The following RBMS1 variants were observed in gnomAD, a reference collection of about 807,000 sequenced individuals.
RBMS1 encodes the protein RNA binding motif single stranded interacting protein 1, also known as RNA-binding motif, single-stranded-interacting protein 1.
RBMS1 carries 17 observed loss-of-function variants against 62.3 expected under a neutral mutation model. The ratio of observed to expected loss-of-function variants is 0.27; its 90% confidence interval spans 0.19 to 0.41. The LOEUF (loss-of-function observed/expected upper bound fraction) is 0.41. Ranked by LOEUF, RBMS1 falls within the 10% of genes least tolerant of loss-of-function variation. The probability of loss-of-function intolerance (pLI) is 1.00; values close to 1 mark genes in which losing one functional copy is unlikely to be tolerated. For missense variants in RBMS1, 334 were observed against 504.5 expected (o/e 0.66, Z 3.24); for synonymous variants, 172 against 170.0 (o/e 1.01, Z -0.09).
intron 2 of RBMS1, among the ~76,000 whole-genome samples, chr2:160,351,811 C>T (rs919455698): frequency 3.9e-5 from 6 of 152,004 alleles, no homozygotes; most frequent in Admixed American, 6.6e-5. Context: ...ATAACGATTG[C>T]TATACAAACT....
In RBMS1 at chr2:160,468,871, T is replaced by C. The variant is rs922828607; in HGVS notation, c.75+24418A>G. On this transcript the variant is annotated intron_variant, in intron 1 of 13. Transcript: ENST00000348849. ...CTAAATCATGGCTCACAGAAAATAT[T>C]ATTTGTTAGCATTAGTTTTGCCTTT... 3.9e-5 allele frequency among the ~76,000 whole-genome samples: 6 copies of C among 152,200 alleles called. No homozygotes were observed. The East Asian group carries it at 1.2e-3, about 29-fold the overall frequency.
chr2:160,419,727 A>C (rs1226028822), intron 1 of RBMS1, among the ~76,000 whole-genome samples: 2 of 152,230 alleles, frequency 1.3e-5, no homozygotes, highest in South Asian at 2.1e-4. Flanking sequence ...AAGTGACTAC[A>C]TAGCCGGTTA....
At chr2:160,359,915 T>A (rs1025256892) in intron 2 of RBMS1, among the ~76,000 whole-genome samples, 3 of 152,206 alleles carry the variant, frequency 2.0e-5, no homozygotes, top group Non-Finnish European at 4.4e-5. Context: ...CTTCTCCTGT[T>A]AGTTGCCCTA....
intron 1 of RBMS1, among the ~76,000 whole-genome samples, chr2:160,462,806 A>G (rs1212300431): frequency 6.6e-6 from 1 of 152,106 alleles, no homozygotes; most frequent in Non-Finnish European, 1.5e-5. Flanking sequence ...CATGTTGGCC[A>G]GCTGGTCTCG....
intron 9 of RBMS1, chr2:160,282,194 T>C: frequency 7.6e-7 from 1 of 1,319,210 alleles, no homozygotes; most frequent in Non-Finnish European, 1.0e-6. Context: ...TATTGTTAAC[T>C]TCAGAGGTTC....
intron 1 of RBMS1, among the ~76,000 whole-genome samples, chr2:160,370,655 G>A (rs568603694): frequency 1.3e-5 from 2 of 152,342 alleles, no homozygotes; most frequent in African/African-American, 4.8e-5. Context: ...AGGTCTGCTA[G>A]AAAACAAAGC....
At chr2:160,341,214 C>T (rs1469014499) in intron 2 of RBMS1, among the ~76,000 whole-genome samples, 1 of 152,214 alleles carries the variant, frequency 6.6e-6, no homozygotes, top group East Asian at 1.9e-4. Flanking sequence ...TCCTCCAAAG[C>T]AAGATCTGCA....
rs1237474236 is a variant in RBMS1 at position 160,370,862 on chromosome 2, G to GT, written c.76-3472dup. 4.3e-5 allele frequency among the ~76,000 whole-genome samples: 6 copies of GT among 139,298 alleles called. No homozygotes were observed. In the South Asian group the frequency reaches 8.8e-4, roughly 20 times the overall value. The allele number at this position is 139,298 out of a possible 152,430, so 91.4% of individuals were successfully genotyped here. On this transcript the variant is annotated intron_variant, in intron 1 of 13. Coordinates refer to ENST00000348849, the MANE Select transcript of RBMS1 (RefSeq NM_016836.4). The stretch of plus-strand genomic sequence containing the variant: ...TAAGAAAGTAAAAGGTGCCTTTAAT[G>GT]TTTTTTAAGAAAGTAAAAGGTGCCT...
At chr2:160,299,442 C>T (rs1689101233) in intron 6 of RBMS1, among the ~76,000 whole-genome samples, 1 of 152,156 alleles carries the variant, frequency 6.6e-6, no homozygotes, top group Non-Finnish European at 1.5e-5. Context: ...CGTTTCCCCC[C>T]ATTTCGTCAC....
At chr2:160,431,789 C>A (rs1418974825) in intron 1 of RBMS1, among the ~76,000 whole-genome samples, 2 of 152,170 alleles carry the variant, frequency 1.3e-5, no homozygotes, top group African/African-American at 4.8e-5. Flanking sequence ...TTAACTCCAA[C>A]TTATTCTTCA....
intron 3 of RBMS1, among the ~76,000 whole-genome samples, chr2:160,315,891 T>C (rs1219067792): frequency 6.6e-6 from 1 of 152,192 alleles, no homozygotes; most frequent in Non-Finnish European, 1.5e-5. Context: ...ATTCTAATGT[T>C]TCCTTCAGCT....
intron 1 of RBMS1, among the ~76,000 whole-genome samples, chr2:160,395,514 C>G (rs542311133): frequency 2.2e-4 from 33 of 151,376 alleles, no homozygotes; most frequent in African/African-American, 7.8e-4. Context: ...GTCCTAGCTA[C>G]TTGGGAGGCT....
At chr2:160,440,166 T>A (rs1293646193) in intron 1 of RBMS1, among the ~76,000 whole-genome samples, 1 of 150,862 alleles carries the variant, frequency 6.6e-6, no homozygotes, top group African/African-American at 2.4e-5. Context: ...TAGAGTGCAG[T>A]GGCGTGATCT....
intron 1 of RBMS1, among the ~76,000 whole-genome samples, chr2:160,428,786 AT>A (rs1682762391): frequency 6.6e-6 from 1 of 152,234 alleles, no homozygotes; most frequent in Admixed American, 6.5e-5. Context: ...CTCTTTGGCA[AT>A]GGGGTGGGGA....
intron 6 of RBMS1, among the ~76,000 whole-genome samples, chr2:160,294,303 G>A (rs1243140496): frequency 3.3e-5 from 5 of 152,202 alleles, no homozygotes; most frequent in Non-Finnish European, 7.4e-5. Flanking sequence ...GATTTTAAAA[G>A]AGCATTTCAG....
chr2:160,371,489 G>C (rs1363223596), intron 1 of RBMS1, among the ~76,000 whole-genome samples: 1 of 152,142 alleles, frequency 6.6e-6, no homozygotes, highest in East Asian at 1.9e-4. Flanking sequence ...AATTTTTCCT[G>C]TTATCAGGTC....
intron 1 of RBMS1, among the ~76,000 whole-genome samples, chr2:160,404,883 A>G (rs572304592): frequency 2.6e-5 from 4 of 152,210 alleles, no homozygotes; most frequent in Non-Finnish European, 5.9e-5. Context: ...TATGATGCAG[A>G]TAAGTTCTCT....
chr2:160,393,111 C>T (rs1420936825), intron 1 of RBMS1, among the ~76,000 whole-genome samples: 1 of 152,020 alleles, frequency 6.6e-6, no homozygotes, highest in Non-Finnish European at 1.5e-5. Context: ...TTCATAGAGT[C>T]AGTTAAAGGG....
At position 160,397,752 on chromosome 2, in the gene RBMS1, G is replaced by A. The variant is rs143963963; in HGVS notation, c.76-30361C>T. Among the ~76,000 whole-genome samples, 128 of 152,090 alleles carry A rather than the reference G, an allele frequency of 8.4e-4. 1 individual carries two copies. The Middle Eastern group carries it at 0.017, about 20-fold the overall frequency. On this transcript the variant is annotated intron_variant, in intron 1 of 13. Transcript: ENST00000348849. The stretch of plus-strand genomic sequence containing the variant: ...AAAAGTTTACAAAGACCTCCCAATG[G>A]GTATTTCCAATGGCCCTTTACTAGG...
Sources: gnomAD v4.1 joint callset for allele counts (sites outside exome capture counted in the v4.1 genomes callset) on GRCh38, gnomAD v4.1.1 for gene constraint, MANE v1.5 for transcripts, NCBI Gene and HGNC (gene_info 2026-07-23, HGNC 2026-07-21) for gene names.